Variants in BUB1B observed in about 807,000 individuals in gnomAD.
The protein encoded by BUB1B is mitotic checkpoint serine/threonine-protein kinase BUB1 beta.
BUB1B carries 86 observed loss-of-function variants against 137.7 expected under a neutral mutation model. The ratio of observed to expected loss-of-function variants is 0.62; its 90% CI spans 0.52 to 0.75. The LOEUF is 0.75. Among genes scored for constraint, BUB1B ranks in the 30% least tolerant of loss-of-function variants. The pLI, the probability that BUB1B is intolerant of heterozygous loss-of-function variation, is 0.00. For missense variants in BUB1B, 1,130 were observed against 1,236.9 expected, an observed-to-expected ratio of 0.91 and a Z score of 1.30; for synonymous variants, 420 against 417.9, an observed-to-expected ratio of 1.00 and a Z score of -0.06.
chr15:40,176,339 TG>T, intron 4 of BUB1B, 137 bp from the exon 5 acceptor site: 1 of 828,552 alleles, frequency 1.2e-6, no homozygotes, highest in Non-Finnish European at 2.0e-6. Context: ...CCTCCCAGTA[TG>T]GTCCTTATCA....
intron 14 of BUB1B, among the ~76,000 whole-genome samples, chr15:40,204,603 A>C: frequency 6.6e-6 from 1 of 151,504 alleles, no homozygotes; most frequent in Non-Finnish European, 1.5e-5. Context: ...TACTTTAATC[A>C]CATATATAAA....
chr15:40,202,800 C>T, intron 14 of BUB1B, 106 bp downstream of exon 14: 1 of 978,974 alleles, frequency 1.0e-6, no homozygotes, highest in Non-Finnish European at 1.6e-6. Flanking sequence ...GAATTAAGCA[C>T]ATGAAAAGAT....
chr15:40,209,125 TAA>T (rs2037676534), intron 16 of BUB1B, among the ~76,000 whole-genome samples: 1 of 152,036 alleles, frequency 6.6e-6, no homozygotes, highest in African/African-American at 2.4e-5. Context: ...TTTTCCTTCT[TAA>T]AGAAGTTGCC....
chr15:40,161,355 C>A, intron 1 of BUB1B, 100 bp downstream of exon 1: 1 of 1,374,594 alleles, frequency 7.3e-7, no homozygotes, highest in Non-Finnish European at 9.8e-7. Flanking sequence ...GAGATCGGCA[C>A]CGTCAGAACA....
intron 4 of BUB1B, among the ~76,000 whole-genome samples, chr15:40,170,900 G>T (rs902880038): frequency 6.6e-6 from 1 of 152,068 alleles, no homozygotes; most frequent in Non-Finnish European, 1.5e-5. Flanking sequence ...AAGATTGATC[G>T]CAAAGTCTGT....
chr15:40,168,429 G>A (rs1049283841), intron 2 of BUB1B, among the ~76,000 whole-genome samples: 36 of 152,032 alleles, frequency 2.4e-4, no homozygotes, highest in African/African-American at 8.4e-4. Flanking sequence ...GATTACATTG[G>A]TTTGAATCTA....
chr15:40,180,251 C>CTTTTTTTTTTTTTTTTTT (rs34300396), intron 5 of BUB1B, among the ~76,000 whole-genome samples: 5 of 90,508 alleles, frequency 5.5e-5, no homozygotes, highest in African/African-American at 2.2e-4. Context: ...CGTTTCGTTT[C>CTTTTTTTTTTTTTTTTTT]TTTTTTTTTT....
chr15:40,205,261 T>A (rs562122200), intron 14 of BUB1B, among the ~76,000 whole-genome samples: 4 of 152,208 alleles, frequency 2.6e-5, no homozygotes, highest in Admixed American at 2.6e-4. Flanking sequence ...ATTTTTTTTT[T>A]AACTATACTT....
intron 5 of BUB1B, 100 bp downstream of exon 5, chr15:40,176,773 TAA>T: frequency 8.0e-7 from 1 of 1,246,400 alleles, no homozygotes; most frequent in South Asian, 1.4e-5. Flanking sequence ...ATTGGCATGT[TAA>T]GTTTACTTAG....
At chr15:40,170,448 T>C in intron 3 of BUB1B, 89 bp from the exon 4 acceptor site, 1 of 1,477,744 alleles carries the variant, frequency 6.8e-7, no homozygotes, top group Non-Finnish European at 9.4e-7. Context: ...CATACTTTAC[T>C]TCTGCTAAAA....
intron 16 of BUB1B, 59 bp from the exon 17 acceptor site, chr15:40,209,576 C>T (rs763658629): frequency 1.3e-6 from 2 of 1,598,950 alleles, no homozygotes; most frequent in Non-Finnish European, 1.7e-6. Context: ...TTATAATATC[C>T]ATTTTAAGCA....
intron 21 of BUB1B, 140 bp from the exon 22 acceptor site, chr15:40,218,316 G>A: frequency 1.4e-6 from 1 of 707,938 alleles, no homozygotes; most frequent in Non-Finnish European, 2.6e-6. Context: ...TACTGTAAGG[G>A]TGAGGAACAG....
chr15:40,168,074 A>G (rs2037121994), intron 2 of BUB1B, among the ~76,000 whole-genome samples: 1 of 151,958 alleles, frequency 6.6e-6, no homozygotes, highest in South Asian at 2.1e-4. Flanking sequence ...GAAAAAGAAA[A>G]AAAAAAAAAA....
At chr15:40,213,210 G>T in intron 19 of BUB1B, 122 bp from the exon 20 acceptor site, 1 of 991,840 alleles carries the variant, frequency 1.0e-6, no homozygotes, top group Non-Finnish European at 1.6e-6. Context: ...TCAGTCTACA[G>T]AGGTGCCTAC....
At chr15:40,189,231 C>T (rs2037407748) in intron 8 of BUB1B, among the ~76,000 whole-genome samples, 1 of 152,168 alleles carries the variant, frequency 6.6e-6, no homozygotes, top group Admixed American at 6.5e-5. Flanking sequence ...GCAATCTCTG[C>T]TCACTGCAAC....
chr15:40,201,162 A>T (rs947261759), intron 12 of BUB1B, among the ~76,000 whole-genome samples, 182 bp downstream of exon 12: 2 of 152,208 alleles, frequency 1.3e-5, no homozygotes, highest in Non-Finnish European at 2.9e-5. Context: ...TTTTTTAAAG[A>T]TTCCTCAGTG....
chr15:40,209,610 T>G, intron 16 of BUB1B, 25 bp from the exon 17 acceptor site: 4 of 1,614,014 alleles, frequency 2.5e-6, no homozygotes, highest in Non-Finnish European at 3.4e-6. Context: ...GGTGATATAT[T>G]TTCACCTTTC....
Position 40,200,294 on chromosome 15 carries a change from C to T in BUB1B, c.1452C>T (p.Ser484=), listed in dbSNP as rs749242958. The change falls in exon 11 of 23, where the codon TCC becomes TCT. Residue 484 remains serine, a synonymous_variant. Coordinates refer to ENST00000287598, the MANE Select transcript of BUB1B (RefSeq NM_001211.6). ...TKETTKLQIA[S]ESQKIPGMTL... is the part of the protein sequence containing the mutation. ...AGACAACTAAACTGCAAATTGCTTCCGAGTCTCAGAAAATACCAGGAATGA... is the reference window on the plus strand; with the variant it reads ...AGACAACTAAACTGCAAATTGCTTCTGAGTCTCAGAAAATACCAGGAATGA... 3.7e-6 allele frequency: 6 copies of T among 1,613,830 alleles called. No individual in the cohort carries two copies. In the African/African-American group the frequency reaches 4.0e-5, roughly 11 times the overall value.
At chr15:40,205,016 G>A (rs1416734023) in intron 14 of BUB1B, among the ~76,000 whole-genome samples, 3 of 143,664 alleles carry the variant, frequency 2.1e-5, no homozygotes, top group Admixed American at 1.4e-4. Context: ...GCGTGATCTC[G>A]GCTCACTGCA....
Sources: gnomAD v4.1 joint callset for allele counts (sites outside exome capture counted in the v4.1 genomes callset) on GRCh38, gnomAD v4.1.1 for gene constraint, MANE v1.5 for transcripts, NCBI Gene and HGNC (gene_info 2026-07-23, HGNC 2026-07-21) for gene names.